RELN: variants seen among roughly 807,000 people sequenced by gnomAD.
The protein encoded by RELN is reelin.
A neutral mutation model predicts 427.6 loss-of-function variants in RELN; 108 were observed. The observed-to-expected ratio is 0.25, with a 90% CI of 0.22 to 0.30. The LOEUF (loss-of-function observed/expected upper bound fraction) is 0.30. Among genes scored for constraint, RELN ranks in the 10% least tolerant of loss-of-function variants. RELN has a pLI of 1.00. For missense variants in RELN, 3,715 were observed against 4,302.8 expected, an observed-to-expected ratio of 0.86 and a Z score of 3.82; for synonymous variants, 1,524 against 1,513.4, an observed-to-expected ratio of 1.01 and a Z score of -0.16.
intron 2 of RELN, among the ~76,000 whole-genome samples, chr7:103,838,140 C>T (rs39376): frequency 0.53 from 75,956 of 142,026 alleles, 19,948 homozygotes; most frequent in East Asian, 0.59. Context: ...ACCTGGGAGG[C>T]GGAGCTTGCA....
At chr7:103,707,500 TTTTC>T (rs1405507198) in intron 8 of RELN, among the ~76,000 whole-genome samples, 16 of 148,584 alleles carry the variant, frequency 1.1e-4, no homozygotes, top group Non-Finnish European at 1.9e-4. Flanking sequence ...TATTTCTTTC[TTTTC>T]TTTTTTTTTT....
chr7:103,908,571 G>C (rs906085738), intron 2 of RELN, among the ~76,000 whole-genome samples: 3 of 152,062 alleles, frequency 2.0e-5, no homozygotes, highest in African/African-American at 7.2e-5. Flanking sequence ...CTCCACCTTG[G>C]CTCAAATCTC....
At chr7:103,690,249 A>G (rs1317347710) in intron 10 of RELN, among the ~76,000 whole-genome samples, 2 of 152,072 alleles carry the variant, frequency 1.3e-5, no homozygotes, top group Non-Finnish European at 2.9e-5. Flanking sequence ...GATACGTTGA[A>G]TCTTGTTACT....
rs762032224 is a variant in RELN at position 103,540,253 on chromosome 7, G to C, written c.6874C>G (p.Arg2292Gly). ...CCATTCTCAGACGGTTGCCACCAGC[G>C]AAGGCGAGTAGAACCAGAACGGGCT... is the stretch of plus-strand genomic sequence containing the variant. ...LKARSGSTRL[R>G]WWQPSENGHF... The change falls in exon 44 of 65, where the codon CGC (arginine) becomes GGC (glycine). Residue 2292 changes from arginine to glycine, a missense_variant. Physicochemically the swap from Arg to Gly is moderately radical, Grantham distance 125 (BLOSUM62 -2). Around this residue, in one of 4 missense-constraint regions of RELN, gnomAD observed 1,310 missense variants for 1,643.0 expected, o/e 0.80. Transcript: ENST00000428762. 1.2e-6 allele frequency: 2 copies of C among 1,614,074 alleles called. No homozygotes were observed. Among genetic ancestry groups the C allele is most frequent in the African/African-American group, 2.7e-5 (2 of 74,928 alleles).
chr7:103,542,630 G>A, intron 43 of RELN, 101 bp downstream of exon 43: 1 of 1,206,062 alleles, frequency 8.3e-7, no homozygotes. Flanking sequence ...TACAATGGAA[G>A]GCCTTGTCCT....
At chr7:103,630,860 G>GGTTT (rs1832443652) in intron 19 of RELN, among the ~76,000 whole-genome samples, 2 of 134,508 alleles carry the variant, frequency 1.5e-5, no homozygotes, top group Admixed American at 7.5e-5. Flanking sequence ...TGTTTTTTTT[G>GGTTT]TTTTTTTTTT....
chr7:103,984,212 C>A, intron 1 of RELN, among the ~76,000 whole-genome samples: 1 of 149,908 alleles, frequency 6.7e-6, no homozygotes. Context: ...TAAAACTAAT[C>A]CATAAAAATT....
chr7:103,553,068 A>C (rs528246031), intron 40 of RELN, among the ~76,000 whole-genome samples: 1 of 152,288 alleles, frequency 6.6e-6, no homozygotes, highest in East Asian at 1.9e-4. Flanking sequence ...ACATCATGAC[A>C]AATATTATAT....
chr7:103,813,336 G>C (rs1277510830), intron 3 of RELN, among the ~76,000 whole-genome samples: 1 of 147,366 alleles, frequency 6.8e-6, no homozygotes, highest in Non-Finnish European at 1.5e-5. Flanking sequence ...TGTCCTTACA[G>C]TTCCTAACAC....
chr7:103,937,342 T>G (rs974878031), intron 1 of RELN, among the ~76,000 whole-genome samples: 4 of 152,246 alleles, frequency 2.6e-5, no homozygotes, highest in African/African-American at 9.6e-5. Context: ...AGACATGTTT[T>G]GTTGGGATAG....
At chr7:103,624,467 C>T (rs1373091109) in intron 20 of RELN, among the ~76,000 whole-genome samples, 1 of 152,072 alleles carries the variant, frequency 6.6e-6, no homozygotes, top group African/African-American at 2.4e-5. Flanking sequence ...ACTCTTGTTG[C>T]CCAGGCTGGA....
intron 1 of RELN, among the ~76,000 whole-genome samples, chr7:103,985,660 T>TA (rs1219150477): frequency 6.6e-6 from 1 of 152,050 alleles, no homozygotes; most frequent in Non-Finnish European, 1.5e-5. Flanking sequence ...ACAATTACAA[T>TA]AAAAAATGTG....
Position 103,899,170 on chromosome 7 carries a change from TTAAA to T in RELN, c.337+17901_337+17904del, listed in dbSNP as rs554495717. On this transcript the variant is annotated intron_variant, in intron 2 of 64. Coordinates refer to ENST00000428762, the MANE Select transcript of RELN (RefSeq NM_005045.4). Reference sequence around the variant, plus strand: ...CAGAGAATACTATAAACACCTCTACTTAAATAAACTGGAAAATCTAGCAGAAATT... The same window carrying T: ...CAGAGAATACTATAAACACCTCTACTTAAACTGGAAAATCTAGCAGAAATT... Among the ~76,000 whole-genome samples, 478 of 152,040 alleles carry T rather than the reference TTAAA, an allele frequency of 3.1e-3. 3 individuals are homozygous for T. The highest frequency in any genetic ancestry group is 0.011 in the African/African-American group (460 of 41,500).
At chr7:103,499,270 T>C (rs950962333) in intron 53 of RELN, among the ~76,000 whole-genome samples, 5 of 152,200 alleles carry the variant, frequency 3.3e-5, no homozygotes, top group South Asian at 2.1e-4. Flanking sequence ...CTAAGAATGA[T>C]TGACAACCAG....
intron 4 of RELN, among the ~76,000 whole-genome samples, chr7:103,770,987 T>A (rs886496808): frequency 2.0e-5 from 3 of 148,702 alleles, no homozygotes; most frequent in African/African-American, 7.5e-5. Context: ...CAATCTAGGC[T>A]CACTGCAACC....
chr7:103,981,488 A>T (rs980865135), intron 1 of RELN, among the ~76,000 whole-genome samples: 2 of 152,240 alleles, frequency 1.3e-5, no homozygotes, highest in African/African-American at 4.8e-5. Context: ...AACCAACTCT[A>T]TGAGAGGATC....
At chr7:103,789,897 G>A (rs262356) in intron 3 of RELN, among the ~76,000 whole-genome samples, 105,279 of 152,076 alleles carry the variant, frequency 0.69, 36,648 homozygotes, top group South Asian at 0.75. Flanking sequence ...TGTTTACTGC[G>A]GCACTATTCA....
chr7:103,675,530 A>G (rs1282874433), intron 11 of RELN, among the ~76,000 whole-genome samples: 1 of 152,218 alleles, frequency 6.6e-6, no homozygotes, highest in Non-Finnish European at 1.5e-5. Context: ...AGAATTGGAA[A>G]AAACTACTTT....
intron 18 of RELN, 129 bp from the exon 19 acceptor site, chr7:103,635,715 T>C: frequency 1.4e-6 from 1 of 727,300 alleles, no homozygotes; most frequent in Non-Finnish European, 2.3e-6. Context: ...AGTAATTTCA[T>C]TGTTAGATAT....
Sources: allele counts gnomAD v4.1 joint callset (sites outside exome capture counted in the v4.1 genomes callset), GRCh38; gene constraint gnomAD v4.1.1; regional missense constraint gnomAD v4.1.1; transcripts MANE v1.5; gene names NCBI Gene and HGNC (gene_info 2026-07-23, HGNC 2026-07-21).